The following SPMAP2L variants were observed in gnomAD, a reference collection of about 807,000 sequenced individuals.
SPMAP2L encodes the protein sperm microtubule associated protein 2 like.
chr4:56,553,912 A>G, the SPMAP2L span, among the ~76,000 whole-genome samples: 2 of 152,044 alleles, frequency 1.3e-5, no homozygotes, highest in Admixed American at 1.3e-4. Context: ...TCTTTTCTAG[A>G]AAGTCATCTA....
the SPMAP2L span, among the ~76,000 whole-genome samples, chr4:56,588,562 G>T: frequency 1.3e-5 from 2 of 151,912 alleles, no homozygotes; most frequent in African/African-American, 4.8e-5. Flanking sequence ...CTCCCAAGTA[G>T]CTGGGATTAT....
At chr4:56,538,118 A>G in the SPMAP2L span, among the ~76,000 whole-genome samples, 1 of 152,290 alleles carries the variant, frequency 6.6e-6, no homozygotes, top group East Asian at 1.9e-4. Context: ...TCTTTCCCTT[A>G]TAGTCCTTCC....
the SPMAP2L span, among the ~76,000 whole-genome samples, chr4:56,534,878 A>G: frequency 0.21 from 31,444 of 152,126 alleles, 3,739 homozygotes; most frequent in East Asian, 0.5. Flanking sequence ...GCAGTGAGCC[A>G]AGATTGCACC....
At chr4:56,595,363 C>G in the SPMAP2L span, 2 of 1,605,236 alleles carry the variant, frequency 1.2e-6, no homozygotes, top group Non-Finnish European at 1.7e-6. Context: ...GGCAGGGACC[C>G]TCATGGTTGA....
chr4:56,595,147 G>A, the SPMAP2L span: 3 of 1,611,402 alleles, frequency 1.9e-6, no homozygotes, highest in African/African-American at 4.0e-5. Context: ...ACAAGCCACG[G>A]AAACTGCGAT....
chr4:56,542,643 G>A, the SPMAP2L span, among the ~76,000 whole-genome samples: 1 of 152,124 alleles, frequency 6.6e-6, no homozygotes, highest in Non-Finnish European at 1.5e-5. Context: ...TGCAGATTAA[G>A]AGGCTTGCTT....
the SPMAP2L span, among the ~76,000 whole-genome samples, chr4:56,562,489 T>C: frequency 6.6e-6 from 1 of 152,298 alleles, no homozygotes; most frequent in African/African-American, 2.4e-5. Context: ...CTTCATAAGC[T>C]GCCATATTTG....
the SPMAP2L span, chr4:56,531,076 A>C: frequency 6.5e-7 from 1 of 1,535,436 alleles, no homozygotes; most frequent in South Asian, 1.2e-5. Context: ...CCGCGAGGCC[A>C]AGGAAACCGA....
chr4:56,589,147 CCTGG>C, the SPMAP2L span, among the ~76,000 whole-genome samples: 3 of 152,062 alleles, frequency 2.0e-5, no homozygotes, highest in African/African-American at 4.8e-5. Flanking sequence ...CACCACCACA[CCTGG>C]CTAATTTTGG....
At chr4:56,620,025 C>G in the SPMAP2L span, among the ~76,000 whole-genome samples, 1 of 152,240 alleles carries the variant, frequency 6.6e-6, no homozygotes, top group Non-Finnish European at 1.5e-5. Flanking sequence ...GGCTGGCTGG[C>G]TGGGACTTGG....
At chr4:56,620,792 C>T in the SPMAP2L span, among the ~76,000 whole-genome samples, 5 of 152,324 alleles carry the variant, frequency 3.3e-5, no homozygotes, top group South Asian at 8.3e-4. Flanking sequence ...TAATGTAATG[C>T]AGCATGATAT....
At chr4:56,618,833 C>G in the SPMAP2L span, among the ~76,000 whole-genome samples, 1 of 152,112 alleles carries the variant, frequency 6.6e-6, no homozygotes, top group African/African-American at 2.4e-5. Flanking sequence ...TTCTGCCAGC[C>G]GGGGTGTTTG....
chr4:56,564,431 C>A, the SPMAP2L span, among the ~76,000 whole-genome samples: 9 of 152,190 alleles, frequency 5.9e-5, no homozygotes, highest in African/African-American at 1.7e-4. Flanking sequence ...TGAGCCACTG[C>A]GCCCAGCTCA....
chr4:56,531,875 T>C, the SPMAP2L span, among the ~76,000 whole-genome samples: 3 of 152,222 alleles, frequency 2.0e-5, no homozygotes, highest in African/African-American at 7.2e-5. Context: ...ATGTTCTCAC[T>C]GACTGCTCCT....
chr4:56,534,134 T>G, the SPMAP2L span, among the ~76,000 whole-genome samples: 1 of 152,196 alleles, frequency 6.6e-6, no homozygotes, highest in African/African-American at 2.4e-5. Context: ...TGCCTGCAAG[T>G]CATCATATCC....
chr4:56,540,420 G>T, the SPMAP2L span, among the ~76,000 whole-genome samples: 1 of 152,136 alleles, frequency 6.6e-6, no homozygotes. Flanking sequence ...GTGCACGCCT[G>T]TAAGCCCAGC....
chr4:56,541,780 T>C, the SPMAP2L span, among the ~76,000 whole-genome samples: 31 of 152,264 alleles, frequency 2.0e-4, no homozygotes, highest in African/African-American at 6.5e-4. Context: ...TATCATGTCA[T>C]AATTACACCA....
the SPMAP2L span, chr4:56,603,244 T>A: frequency 2.6e-6 from 4 of 1,534,966 alleles, no homozygotes; most frequent in Non-Finnish European, 2.6e-6. Context: ...GATCCAGATG[T>A]CTTTAAAACC....
At chr4:56,621,606 G>A in the SPMAP2L span, among the ~76,000 whole-genome samples, 5 of 152,214 alleles carry the variant, frequency 3.3e-5, no homozygotes, top group Non-Finnish European at 5.9e-5. Flanking sequence ...GATCTATGAA[G>A]TGATGCTGAT....
Sources: allele counts gnomAD v4.1 joint callset (sites outside exome capture counted in the v4.1 genomes callset), GRCh38; gene constraint gnomAD v4.1.1; transcripts MANE v1.5; gene names NCBI Gene and HGNC (gene_info 2026-07-23, HGNC 2026-07-21).